Variants in AGAP1 observed in about 807,000 individuals in gnomAD.
AGAP1 encodes the protein arf-GAP with GTPase, ANK repeat and PH domain-containing protein 1.
A neutral mutation model predicts 105.3 loss-of-function variants in AGAP1; 29 were observed. The observed-to-expected ratio is 0.28, with a 90% confidence interval of 0.21 to 0.38. The LOEUF (loss-of-function observed/expected upper bound fraction) is 0.38. Among genes scored for constraint, AGAP1 ranks in the 10% least tolerant of loss-of-function variants. AGAP1 has a pLI of 1.00. For synonymous variants in AGAP1, 509 were observed against 485.9 expected (o/e 1.05, Z -0.63); for missense variants, 998 against 1,165.1 (o/e 0.86, Z 2.09).
Position 236,040,878 on chromosome 2 carries a change from G to C in AGAP1, c.1891+37G>C. The C allele has an allele frequency of 6.2e-7, 1 of 1,609,844 alleles. No homozygotes were observed. The highest frequency in any genetic ancestry group is 1.1e-5 in the South Asian group (1 of 90,912). On this transcript the variant is annotated intron_variant, in intron 15 of 17. Transcript: ENST00000304032. The surrounding 1 kb of genome is among the most constrained non-coding windows in gnomAD (Gnocchi z 5.6). ...CGGTGGTAGCAGGGGCTGGCGCTGTGTAGCTGGAGACCACATGGTCCCACT... is the reference window on the plus strand; with the variant it reads ...CGGTGGTAGCAGGGGCTGGCGCTGTCTAGCTGGAGACCACATGGTCCCACT...
At position 235,864,729 on chromosome 2, in the gene AGAP1, G is replaced by GA. The variant is rs201621728; in HGVS notation, c.1051-18607dup. 1.8e-4 allele frequency among the ~76,000 whole-genome samples: 27 copies of GA among 150,958 alleles called. No homozygotes were observed. The highest frequency in any genetic ancestry group is 5.8e-4 in the East Asian group (3 of 5,150). On this transcript the variant is annotated intron_variant, in intron 9 of 17. Coordinates refer to ENST00000304032, the MANE Select transcript of AGAP1 (RefSeq NM_001037131.3). The surrounding 1 kb of genome is among the most constrained non-coding windows in gnomAD (Gnocchi z 5.0). The stretch of plus-strand genomic sequence containing the variant: ...AGAGGGGATCTGTCAGTCCTGGTGG[G>GA]AAAAAAAAACATTTTGTTTTTCTTA...
At chr2:235,510,546 C>T (rs916436696) in intron 1 of AGAP1, among the ~76,000 whole-genome samples, 11 of 152,120 alleles carry the variant, frequency 7.2e-5, no homozygotes, top group Admixed American at 2.0e-4. Context: ...GCTTTCATTT[C>T]TCTTGGGTAG....
rs750266066 is a variant in AGAP1 at position 235,830,068 on chromosome 2, C to T, written c.1050+22737C>T. Among the ~76,000 whole-genome samples, 88 of 152,250 alleles carry T rather than the reference C, an allele frequency of 5.8e-4. No individual in the cohort carries two copies. The highest frequency in any genetic ancestry group is 2.1e-3 in the East Asian group (11 of 5,172). On this transcript the variant is annotated intron_variant, in intron 9 of 17. Coordinates refer to ENST00000304032, the MANE Select transcript of AGAP1 (RefSeq NM_001037131.3). This position sits in a 1 kb window ranked among gnomAD's most constrained non-coding sequence, Gnocchi z 5.5. Reference sequence around the variant, plus strand: ...CGGGGTGGGACAGCATGATGCAGAGCTTTGGCGGCTGGCTGATGGAGTCGT... The same window carrying T: ...CGGGGTGGGACAGCATGATGCAGAGTTTTGGCGGCTGGCTGATGGAGTCGT...
At chr2:235,626,314 C>T (rs1244682426) in intron 1 of AGAP1, among the ~76,000 whole-genome samples, 2 of 152,170 alleles carry the variant, frequency 1.3e-5, no homozygotes, top group African/African-American at 2.4e-5. Context: ...GCCAAGATCA[C>T]GCCACTGTAC....
intron 10 of AGAP1, among the ~76,000 whole-genome samples, chr2:235,899,121 G>A (rs975110155): frequency 2.0e-5 from 3 of 152,196 alleles, no homozygotes; most frequent in African/African-American, 7.2e-5. Flanking sequence ...ACTGAAGTGG[G>A]AGTTTGTCCG....
At chr2:235,570,039 C>A (rs1441429621) in intron 1 of AGAP1, among the ~76,000 whole-genome samples, 2 of 152,156 alleles carry the variant, frequency 1.3e-5, no homozygotes. Context: ...TTTTTCTTTC[C>A]TTCTCTCTGT....
At chr2:235,756,439 G>T (rs772533115) in intron 6 of AGAP1, among the ~76,000 whole-genome samples, 9 of 152,120 alleles carry the variant, frequency 5.9e-5, no homozygotes, top group Non-Finnish European at 1.3e-4. Flanking sequence ...AGAAAGAGGG[G>T]TTTCCCTTTC....
At chr2:236,041,683 C>G (rs1165778777) in intron 15 of AGAP1, among the ~76,000 whole-genome samples, 2 of 152,144 alleles carry the variant, frequency 1.3e-5, no homozygotes, top group Non-Finnish European at 2.9e-5. Context: ...AAGTTCAGTT[C>G]AAACAAGGTA....
At chr2:235,708,855 A>C (rs1309778919) in intron 1 of AGAP1, among the ~76,000 whole-genome samples, 1 of 152,240 alleles carries the variant, frequency 6.6e-6, no homozygotes, top group Non-Finnish European at 1.5e-5. Context: ...AGGCACAGTC[A>C]GGAGGGTCTG....
chr2:235,592,404 G>C (rs1000564184), intron 1 of AGAP1, among the ~76,000 whole-genome samples: 7 of 152,102 alleles, frequency 4.6e-5, no homozygotes, highest in African/African-American at 1.7e-4. Context: ...GCCATGTTCT[G>C]GGGGGCAGTG....
intron 12 of AGAP1, among the ~76,000 whole-genome samples, chr2:235,966,381 A>G (rs926504603): frequency 3.3e-5 from 5 of 151,950 alleles, no homozygotes; most frequent in Non-Finnish European, 5.9e-5. Flanking sequence ...GAAGGCCAGT[A>G]GAGGAGCCGT....
At chr2:236,067,104 G>A (rs2058366052) in intron 16 of AGAP1, among the ~76,000 whole-genome samples, 1 of 95,180 alleles carries the variant, frequency 1.1e-5, no homozygotes, top group African/African-American at 4.1e-5. Flanking sequence ...TCTGGAGTTG[G>A]GGTTCAGAGT....
At position 235,919,428 on chromosome 2, in the gene AGAP1, G is replaced by A. The variant is rs563918042; in HGVS notation, c.1324+10522G>A. 1.3e-5 allele frequency among the ~76,000 whole-genome samples: 2 copies of A among 152,234 alleles called. No individual in the cohort carries two copies. The highest frequency in any genetic ancestry group is 6.5e-5 in the Admixed American group (1 of 15,300). On this transcript the variant is annotated intron_variant, in intron 11 of 17. Transcript: ENST00000304032. This position sits in a 1 kb window ranked among gnomAD's most constrained non-coding sequence, Gnocchi z 4.1. ...TATTTCTAGGGAGTGGTCAAACCCC[G>A]TAACATCCCAACCAGCAAACCTGTA...
Position 236,103,206 on chromosome 2 carries a change from C to T in AGAP1, c.2115-16986C>T, listed in dbSNP as rs189212225. On this transcript the variant is annotated intron_variant, in intron 16 of 17. Transcript: ENST00000304032. ...TCTGTCCCGTTCCATCCTCCGGCCT[C>T]ACCTCCGCCCACTGCCTCCCAGAAA... 8.5e-3 allele frequency among the ~76,000 whole-genome samples: 1,292 copies of T among 152,292 alleles called. 18 individuals are homozygous for T. The highest frequency in any genetic ancestry group is 0.03 in the African/African-American group (1,241 of 41,562).
chr2:235,882,607 G>A lies in AGAP1; in HGVS notation c.1051-738G>A. The A allele has an allele frequency of 2.3e-6, 1 of 440,210 alleles. No homozygotes were observed. The highest frequency in any genetic ancestry group is 4.2e-6 in the Non-Finnish European group (1 of 237,566). The allele number at this position is 440,210 out of a possible 1,614,324, so 27.3% of individuals were successfully genotyped here. ...CCTCCCCGAGTAGCTGGGATTATAG[G>A]TGCCCACCACTGCGTCCAGCTAATT... On this transcript the variant is annotated intron_variant, in intron 9 of 17. Transcript: ENST00000304032. The surrounding 1 kb of genome is among the most constrained non-coding windows in gnomAD (Gnocchi z 4.6).
intron 6 of AGAP1, among the ~76,000 whole-genome samples, chr2:235,764,447 C>T (rs2675136): frequency 0.28 from 42,578 of 152,032 alleles, 6,287 homozygotes; most frequent in Admixed American, 0.41. Flanking sequence ...ATCCATGTTT[C>T]CCAGGCACCT....
At chr2:236,008,082 A>G (rs1174168561) in intron 13 of AGAP1, among the ~76,000 whole-genome samples, 2 of 152,264 alleles carry the variant, frequency 1.3e-5, no homozygotes, top group Non-Finnish European at 2.9e-5. Flanking sequence ...ATTGCCAAGT[A>G]TTCAGTCCTA....
intron 12 of AGAP1, among the ~76,000 whole-genome samples, chr2:235,940,055 G>A (rs956981314): frequency 6.6e-6 from 1 of 152,128 alleles, no homozygotes; most frequent in African/African-American, 2.4e-5. Flanking sequence ...TTCATCCAGA[G>A]CGTCTGTTTC....
At chr2:235,943,013 C>T (rs1413866420) in intron 12 of AGAP1, among the ~76,000 whole-genome samples, 1 of 152,138 alleles carries the variant, frequency 6.6e-6, no homozygotes, top group African/African-American at 2.4e-5. Context: ...GAAGATTTGT[C>T]AAATATATGT....
Sources: gnomAD v4.1 joint callset for allele counts (sites outside exome capture counted in the v4.1 genomes callset) on GRCh38, gnomAD v4.1.1 for gene constraint, Gnocchi (gnomAD v3.1) non-coding constraint, MANE v1.5 for transcripts, NCBI Gene and HGNC (gene_info 2026-07-23, HGNC 2026-07-21) for gene names.